Variants in PCGF3 observed in about 807,000 individuals in gnomAD.
PCGF3 encodes polycomb group ring finger 3.
PCGF3 carries 7 observed loss-of-function variants against 33.1 expected under a neutral mutation model. That is an observed-to-expected ratio of 0.21 (90% CI 0.12 to 0.40). PCGF3 has a LOEUF of 0.40. Ranked by LOEUF, PCGF3 falls within the 10% of genes least tolerant of loss-of-function variation. The pLI is 1.00. For missense variants in PCGF3, 211 were observed against 313.3 expected (o/e 0.67, Z 2.46); for synonymous variants, 153 against 121.3 (o/e 1.26, Z -1.72).
intron 1 of PCGF3, among the ~76,000 whole-genome samples, chr4:719,215 AG>A (rs1470719928): frequency 1.3e-5 from 2 of 152,104 alleles, no homozygotes; most frequent in Non-Finnish European, 2.9e-5. Context: ...GGCCTCCCAG[AG>A]TGCTGGGATT....
Position 765,921 on chromosome 4 carries a change from A to C in PCGF3, c.682-111A>C, listed in dbSNP as rs6810428. On this transcript the variant is annotated intron_variant, in intron 10 of 10. Transcript: ENST00000362003. ...CAGAAGGGTCTCTGTGCAGCCCTGCATGTGGACTGTGCCTCACGGGACGTG... is the reference window on the plus strand; with the variant it reads ...CAGAAGGGTCTCTGTGCAGCCCTGCCTGTGGACTGTGCCTCACGGGACGTG... 6 of 917,808 alleles carry C rather than the reference A, an allele frequency of 6.5e-6. No individual in the cohort carries two copies. The South Asian group carries it at 8.4e-5, about 13-fold the overall frequency. The allele number at this position is 917,808 out of a possible 1,614,324, so 56.9% of individuals were successfully genotyped here. A position where few individuals can be genotyped will look rare whatever the true frequency, so the allele number is the denominator to read the frequency against.
chr4:761,670 TTTTA>T, intron 9 of PCGF3: 1 of 985,322 alleles, frequency 1.0e-6, no homozygotes, highest in Non-Finnish European at 1.2e-6. Flanking sequence ...GATGAGACTG[TTTTA>T]AAATAGGATA....
chr4:707,663 G>A (rs1202082529), intron 1 of PCGF3, among the ~76,000 whole-genome samples: 1 of 129,966 alleles, frequency 7.7e-6, no homozygotes, highest in Admixed American at 7.4e-5. Context: ...TCCCCTGGGG[G>A]TCGGGACCCT....
chr4:728,761 A>T (rs1169314923), intron 1 of PCGF3, among the ~76,000 whole-genome samples: 1 of 152,230 alleles, frequency 6.6e-6, no homozygotes, highest in Non-Finnish European at 1.5e-5. Context: ...CAGCCAACAC[A>T]GGAGCCACTG....
exon 10 of PCGF3, chr4:765,037 C>G (rs200620611): frequency 6.2e-7 from 1 of 1,613,454 alleles, no homozygotes; most frequent in Admixed American, 1.7e-5. Flanking sequence ...CACTCAAGTT[C>G]GTGGTTGTCA....
In PCGF3 at chr4:713,546, G is replaced by A. The variant is rs546055297; in HGVS notation, c.-190+7576G>A. 8.0e-5 allele frequency among the ~76,000 whole-genome samples: 12 copies of A among 150,070 alleles called. 1 individual carries two copies. Among genetic ancestry groups the A allele is most frequent in the Middle Eastern group, 3.4e-3 (1 of 292 alleles). ...GGCCTCATGGGTCCTGTGTGGCCTC[G>A]TCAGGGCTGTGGCCTCATGGATCCT... On this transcript the variant is annotated intron_variant, in intron 1 of 10. Transcript: ENST00000362003.
At chr4:765,510 C>T (rs1438598955) in intron 10 of PCGF3, among the ~76,000 whole-genome samples, 1 of 152,194 alleles carries the variant, frequency 6.6e-6, no homozygotes. Flanking sequence ...AATCATCAAC[C>T]CCAGAGCCAG....
rs867201675 is a variant in PCGF3 at position 708,061 on chromosome 4, C to T, written c.-190+2091C>T. Among the ~76,000 whole-genome samples, 8 of 147,736 alleles carry T rather than the reference C, an allele frequency of 5.4e-5. 1 individual carries two copies. The highest frequency in any genetic ancestry group is 2.0e-4 in the East Asian group (1 of 5,070). On this transcript the variant is annotated intron_variant, in intron 1 of 10. Transcript: ENST00000362003. ...GACAGCCCTGTTTTCACCTGGGGGC[C>T]GGGACCCTGGGACAGCCCTGTTTTC... is the stretch of plus-strand genomic sequence containing the variant.
At chr4:769,993 T>C (rs1195586864) in exon 11 of PCGF3, 3 of 152,678 alleles carry the variant, frequency 2.0e-5, no homozygotes, top group East Asian at 3.8e-4. Context: ...TTTTGGAATA[T>C]TGCTTAAATG....
intron 8 of PCGF3, chr4:756,923 A>G (rs1160495645): frequency 6.6e-6 from 1 of 152,228 alleles, no homozygotes; most frequent in African/African-American, 2.4e-5. Flanking sequence ...TTATATACAT[A>G]AAAGAGGTGT....
intron 9 of PCGF3, chr4:762,693 G>A (rs1745129321): frequency 6.6e-6 from 1 of 152,318 alleles, no homozygotes; most frequent in African/African-American, 2.4e-5. Flanking sequence ...CCAGTGTGTG[G>A]TGTTCTGTGG....
intron 1 of PCGF3, among the ~76,000 whole-genome samples, chr4:718,412 C>T: frequency 6.6e-6 from 1 of 152,170 alleles, no homozygotes; most frequent in East Asian, 1.9e-4. Context: ...CTGGTAGTGA[C>T]TCTCATCTGG....
chr4:735,859 A>AG (rs1743801048), intron 5 of PCGF3, among the ~76,000 whole-genome samples: 2 of 152,158 alleles, frequency 1.3e-5, no homozygotes, highest in Non-Finnish European at 2.9e-5. Context: ...CAGGAGGCCA[A>AG]GGGGCCAGCC....
chr4:715,169 C>T (rs1577395478), intron 1 of PCGF3, among the ~76,000 whole-genome samples: 4 of 139,144 alleles, frequency 2.9e-5, no homozygotes, highest in Admixed American at 1.4e-4. Context: ...AACTGGGCGT[C>T]GGTGCTGGGA....
intron 1 of PCGF3, among the ~76,000 whole-genome samples, chr4:715,807 T>G (rs373354211): frequency 5.0e-3 from 123 of 24,444 alleles, no homozygotes; most frequent in Admixed American, 6.3e-3. Flanking sequence ...TGTAGACACT[T>G]AGTGTGAGAA....
At chr4:723,134 C>T (rs1743185497) in intron 1 of PCGF3, among the ~76,000 whole-genome samples, 3 of 151,112 alleles carry the variant, frequency 2.0e-5, no homozygotes, top group Non-Finnish European at 1.5e-5. Context: ...GCCGGGTCCA[C>T]ACTCAGTCAT....
At chr4:714,263 G>A (rs1742708459) in intron 1 of PCGF3, among the ~76,000 whole-genome samples, 1 of 152,208 alleles carries the variant, frequency 6.6e-6, no homozygotes, top group African/African-American at 2.4e-5. Flanking sequence ...AAGGTGCTTC[G>A]GTCGCAGCCG....
At chr4:734,894 T>C (rs762369306) in intron 4 of PCGF3, 37 bp from the exon 5 acceptor site, 46 of 1,603,498 alleles carry the variant, frequency 2.9e-5, no homozygotes, top group Non-Finnish European at 3.8e-5. Flanking sequence ...GCCCTGGCTC[T>C]AGACGCTCTC....
chr4:769,519 T>TTAAATACATAAA (rs1435712418), exon 11 of PCGF3: 3 of 152,712 alleles, frequency 2.0e-5, no homozygotes, highest in Non-Finnish European at 4.4e-5. Flanking sequence ...GCCTTGACAT[T>TTAAATACATAAA]TAAATACATA....
Sources: gnomAD v4.1 joint callset for allele counts (sites outside exome capture counted in the v4.1 genomes callset) on GRCh38, gnomAD v4.1.1 for gene constraint, MANE v1.5 for transcripts, NCBI Gene and HGNC (gene_info 2026-07-23, HGNC 2026-07-21) for gene names.